Variants in GTF2H3 observed in about 807,000 individuals in gnomAD.
The protein encoded by GTF2H3 is general transcription factor IIH subunit 3, also known as TFIIH basal transcription factor complex p34 subunit.
GTF2H3 carries 42 observed loss-of-function variants against 51.1 expected under a neutral mutation model. The observed-to-expected ratio is 0.82, with a 90% CI of 0.64 to 1.06. The LOEUF is 1.06. Ranked by LOEUF, GTF2H3 falls within the 50% of genes least tolerant of loss-of-function variation. GTF2H3 has a pLI of 0.00. For synonymous variants in GTF2H3, 123 were observed against 123.8 expected (o/e 0.99, Z 0.04); for missense variants, 326 against 366.1 (o/e 0.89, Z 0.89).
At chr12:123,644,379 G>A (rs1955418464) in intron 2 of GTF2H3, among the ~76,000 whole-genome samples, 1 of 151,458 alleles carries the variant, frequency 6.6e-6, no homozygotes, top group South Asian at 2.1e-4. Flanking sequence ...AACTTTAAAA[G>A]TTTTTAGGCT....
chr12:123,659,367 A>C, intron 9 of GTF2H3, 149 bp from the exon 10 acceptor site: 1 of 676,648 alleles, frequency 1.5e-6, no homozygotes, highest in Non-Finnish European at 2.6e-6. Flanking sequence ...ACTCTGTCAA[A>C]ATATAAAAAT....
chr12:123,659,839 C>T lies in GTF2H3; in HGVS notation c.729C>T (p.Leu243=), dbSNP rs548323779. The change falls in exon 11 of 13, where the codon CTC becomes CTT. Residue 243 remains leucine (L), a synonymous_variant. Coordinates refer to ENST00000543341, the MANE Select transcript of GTF2H3 (RefSeq NM_001516.5). The stretch of plus-strand genomic sequence containing the variant: ...AAGATCAGAGATCTCAGTTAATCCT[C>T]CCACCCCCAGTTCATGTTGACTACA... ...PDQDQRSQLI[L]PPPVHVDYRA... 3.1e-6 allele frequency: 5 copies of T among 1,613,432 alleles called. No homozygotes were observed. The African/African-American group carries it at 4.0e-5, about 13-fold the overall frequency.
At chr12:123,656,545 C>T (rs1955589524) in intron 9 of GTF2H3, among the ~76,000 whole-genome samples, 1 of 152,150 alleles carries the variant, frequency 6.6e-6, no homozygotes, top group African/African-American at 2.4e-5. Context: ...TCCTGAGTTC[C>T]AGACTTGCAG....
chr12:123,652,806 G>A (rs1955535473), intron 7 of GTF2H3, 71 bp downstream of exon 7: 2 of 1,358,892 alleles, frequency 1.5e-6, no homozygotes, highest in Admixed American at 2.9e-5. Flanking sequence ...GACCAGGTGT[G>A]GTGGCTCACA....
At chr12:123,636,844 G>A (rs989832035) in intron 1 of GTF2H3, among the ~76,000 whole-genome samples, 1 of 152,174 alleles carries the variant, frequency 6.6e-6, no homozygotes. Flanking sequence ...TTGATCCCGG[G>A]AGGCGGAGGT....
intron 2 of GTF2H3, among the ~76,000 whole-genome samples, chr12:123,639,597 T>A (rs1955338749): frequency 6.6e-6 from 1 of 152,200 alleles, no homozygotes; most frequent in South Asian, 2.1e-4. Context: ...ATCTCCAAGC[T>A]GCAAGCAACC....
chr12:123,635,835 TAGTA>T (rs900461137), intron 1 of GTF2H3, among the ~76,000 whole-genome samples: 6 of 152,286 alleles, frequency 3.9e-5, no homozygotes, highest in Admixed American at 6.5e-5. Flanking sequence ...TAAAATAAAA[TAGTA>T]AGTGCTAAGT....
At chr12:123,659,726 A>C in intron 10 of GTF2H3, 69 bp from the exon 11 acceptor site, 1 of 1,537,116 alleles carries the variant, frequency 6.5e-7, no homozygotes, top group Non-Finnish European at 9.0e-7. Context: ...AAGGCCTAGA[A>C]GGGTGGGCTT....
intron 1 of GTF2H3, 56 bp downstream of exon 1, chr12:123,633,928 C>G: frequency 1.3e-6 from 2 of 1,582,480 alleles, no homozygotes; most frequent in African/African-American, 1.3e-5. Context: ...CTCGGTCCGG[C>G]TACGACTGGC....
intron 7 of GTF2H3, among the ~76,000 whole-genome samples, chr12:123,654,375 G>A (rs1023178348): frequency 6.6e-6 from 1 of 151,482 alleles, no homozygotes; most frequent in Admixed American, 6.6e-5. Context: ...TTTGGGGTAC[G>A]TGTATTTTGG....
intron 4 of GTF2H3, chr12:123,648,346 A>G (rs2135789227): frequency 5.3e-6 from 2 of 376,814 alleles, no homozygotes; most frequent in South Asian, 6.2e-5. Flanking sequence ...TTTGGCTTCT[A>G]CGAATGCCCT....
intron 2 of GTF2H3, among the ~76,000 whole-genome samples, chr12:123,641,642 TAGC>T (rs11572941): frequency 0.032 from 4,850 of 151,876 alleles, 121 homozygotes; most frequent in Admixed American, 0.063. Context: ...CATATTTTGA[TAGC>T]AGCAGTTAGT....
chr12:123,642,091 T>C (rs1350485202), intron 2 of GTF2H3, among the ~76,000 whole-genome samples: 1 of 152,026 alleles, frequency 6.6e-6, no homozygotes, highest in African/African-American at 2.4e-5. Context: ...TGACCTCAAG[T>C]GATCCTCCCG....
chr12:123,653,010 A>AGAGGTTGCAGTGAGCTG (rs1320407854), intron 7 of GTF2H3, among the ~76,000 whole-genome samples: 6 of 152,050 alleles, frequency 3.9e-5, no homozygotes, highest in African/African-American at 1.2e-4. Flanking sequence ...CCTGGGAGGC[A>AGAGGTTGCAGTGAGCTG]GAGGTTGCAG....
At chr12:123,639,162 T>C in intron 1 of GTF2H3, 102 bp from the exon 2 acceptor site, 1 of 672,642 alleles carries the variant, frequency 1.5e-6, no homozygotes. Context: ...ATTTAAGGCA[T>C]ATAGTGGTGC....
At chr12:123,643,925 G>C (rs993537408) in intron 2 of GTF2H3, among the ~76,000 whole-genome samples, 8 of 152,086 alleles carry the variant, frequency 5.3e-5, no homozygotes, top group African/African-American at 1.9e-4. Context: ...CCACCTCCTG[G>C]GCTCAAGCAG....
intron 5 of GTF2H3, 34 bp from the exon 6 acceptor site, chr12:123,652,498 A>T: frequency 8.5e-7 from 1 of 1,182,586 alleles, no homozygotes; most frequent in East Asian, 2.5e-5. Context: ...AAGCAAAATA[A>T]TATTTTTGTA....
chr12:123,634,507 G>T (rs1189851774), intron 1 of GTF2H3, among the ~76,000 whole-genome samples: 1 of 152,180 alleles, frequency 6.6e-6, no homozygotes, highest in Non-Finnish European at 1.5e-5. Flanking sequence ...GTAACAGTAC[G>T]GTCCTAGTTA....
At chr12:123,641,825 ATTC>A (rs1355625736) in intron 2 of GTF2H3, among the ~76,000 whole-genome samples, 1 of 151,770 alleles carries the variant, frequency 6.6e-6, no homozygotes, top group Admixed American at 6.6e-5. Flanking sequence ...GATTTGATTA[ATTC>A]TTCTGTATAT....
Sources: allele counts gnomAD v4.1 joint callset (sites outside exome capture counted in the v4.1 genomes callset), GRCh38; gene constraint gnomAD v4.1.1; transcripts MANE v1.5; gene names NCBI Gene and HGNC (gene_info 2026-07-23, HGNC 2026-07-21).